ZNF575: variants seen among roughly 807,000 people sequenced by gnomAD.
ZNF575 encodes zinc finger protein 575.
A neutral mutation model predicts 17.5 loss-of-function variants in ZNF575; 17 were observed. The ratio of observed to expected loss-of-function variants is 0.97; its 90% CI spans 0.66 to 1.45. The LOEUF (loss-of-function observed/expected upper bound fraction) is 1.45. Among genes scored for constraint, ZNF575 ranks in the 40% most tolerant of loss-of-function variants. The pLI is 0.00. For missense variants in ZNF575, 352 were observed against 359.2 expected, an observed-to-expected ratio of 0.98 and a Z score of 0.16; for synonymous variants, 146 against 158.3, an observed-to-expected ratio of 0.92 and a Z score of 0.58.
upstream of ZNF575, chr19:43,531,842 G>GT (rs111807736): frequency 1.2e-5 from 8 of 668,042 alleles, no homozygotes; most frequent in African/African-American, 7.2e-5. Flanking sequence ...CTGGAATGCA[G>GT]TAACACAATC....
At chr19:43,531,939 AGACT>A, upstream of ZNF575, 2 of 224,722 alleles carry the variant, frequency 8.9e-6, no homozygotes, top group Admixed American at 6.7e-5. Context: ...CCATTAAGCC[AGACT>A]TTTTTTTTTT....
rs1234999100 is a variant in ZNF575 at position 43,535,441 on chromosome 19, C to G, written c.492C>G (p.Ala164=). ...TCTGCTACCCTTCCAAGCTGGCGGC[C>G]CACCGCCACACGCACCACGCCACCG... The part of the protein sequence containing the change: ...KSFCYPSKLA[A]HRHTHHATDA... The change falls in exon 4 of 4, where the codon GCC becomes GCG. Residue 164 remains alanine, a synonymous_variant. Transcript: ENST00000314228. 2.5e-6 allele frequency: 4 copies of G among 1,612,210 alleles called. No homozygotes were observed. In the South Asian group the frequency reaches 4.4e-5, roughly 18 times the overall value.
At chr19:43,534,908 A>G in intron 3 of ZNF575, 121 bp from the exon 4 acceptor site, 1 of 973,134 alleles carries the variant, frequency 1.0e-6, no homozygotes, top group Admixed American at 4.1e-5. Context: ...TCTCAATGTG[A>G]TGCTTGAGGT....
Position 43,535,242 on chromosome 19 carries a change from A to AGCT in ZNF575, c.294_295insCTG (p.Lys98_Ala99insLeu). The AGCT allele has an allele frequency of 6.2e-7, 1 of 1,611,998 alleles. No homozygotes were observed. The highest frequency in any genetic ancestry group is 8.5e-7 in the Non-Finnish European group (1 of 1,179,248). ...CCCCACCCATGCCCAGACTGCCCCA[A>AGCT]GGCCTTCTCCTACCCCTCCAAGCTG... is the stretch of plus-strand genomic sequence containing the variant. On this transcript the variant is annotated inframe_insertion, in exon 4 of 4. Coordinates refer to ENST00000314228, the MANE Select transcript of ZNF575 (RefSeq NM_174945.3).
chr19:43,532,336 A>G (rs1362768087), upstream of ZNF575, among the ~76,000 whole-genome samples: 2 of 151,822 alleles, frequency 1.3e-5, no homozygotes, highest in East Asian at 3.9e-4. Context: ...GCCCCCGTCT[A>G]GTTTGGAAAT....
Position 43,534,045 on chromosome 19 carries a change from C to T in ZNF575, c.-87+143C>T, listed in dbSNP as rs960272315. The T allele has an allele frequency of 2.2e-5, 6 of 272,752 alleles. No homozygotes were observed. The East Asian group carries it at 4.4e-4, about 20-fold the overall frequency. The allele number at this position is 272,752 out of a possible 1,614,324, so 16.9% of individuals were successfully genotyped here. On this transcript the variant is annotated intron_variant, in intron 2 of 3. Coordinates refer to ENST00000314228, the MANE Select transcript of ZNF575 (RefSeq NM_174945.3). ...TCAGAACAAGACTTTTTTTGTACAG[C>T]CCCGCCCATTCCAGGACTGCAGGGT...
chr19:43,534,274 C>T, intron 2 of ZNF575, 63 bp from the exon 3 acceptor site: 3 of 723,848 alleles, frequency 4.1e-6, no homozygotes, highest in Admixed American at 2.8e-5. Context: ...GCTAAGCCTG[C>T]CCCCGCCTTA....
At chr19:43,531,785 T>A (rs749119397), upstream of ZNF575, 7 of 670,948 alleles carry the variant, frequency 1.0e-5, no homozygotes, top group South Asian at 1.1e-4. Flanking sequence ...ATAATTATTT[T>A]AAAAACTTTT....
chr19:43,535,150 C>G lies in ZNF575; in HGVS notation c.201C>G (p.Asp67Glu). 6.3e-7 allele frequency: 1 copy of G among 1,592,894 alleles called. No homozygotes were observed. The highest frequency in any genetic ancestry group is 8.5e-7 in the Non-Finnish European group (1 of 1,171,478). Residue 67 changes from aspartate to glutamate, a missense_variant, in exon 4 of 4, where the codon GAC becomes GAG. Asp to Glu is a conservative substitution (Grantham distance 45, BLOSUM62 2). Transcript: ENST00000314228. ...PPPQRPHRCP[D>E]CDKAFSYPSK... Reference sequence around the variant, plus strand: ...CCCAGCGCCCGCACCGCTGCCCCGACTGTGACAAGGCCTTCTCGTACCCGT... The same window carrying G: ...CCCAGCGCCCGCACCGCTGCCCCGAGTGTGACAAGGCCTTCTCGTACCCGT...
upstream of ZNF575, chr19:43,531,942 CTTTTTTTTTTTTTTTTT>C (rs869122064): frequency 3.8e-5 from 4 of 106,434 alleles, 1 homozygote; most frequent in Non-Finnish European, 5.1e-5. Flanking sequence ...TTAAGCCAGA[CTTTTTTTTTTTTTTTTT>C]TTTTTTTTTT....
At chr19:43,531,419 T>A (rs1972341831), upstream of ZNF575, among the ~76,000 whole-genome samples, 1 of 151,926 alleles carries the variant, frequency 6.6e-6, no homozygotes, top group South Asian at 2.1e-4. Context: ...CTGTCTCTAC[T>A]AAAAATACAA....
upstream of ZNF575, among the ~76,000 whole-genome samples, chr19:43,531,217 G>A (rs780197064): frequency 2.0e-5 from 3 of 152,078 alleles, no homozygotes; most frequent in Non-Finnish European, 4.4e-5. Flanking sequence ...CTTGAACCTG[G>A]GAGGTGGAGG....
upstream of ZNF575, among the ~76,000 whole-genome samples, chr19:43,532,325 A>G (rs1194650507): frequency 6.6e-6 from 1 of 151,830 alleles, no homozygotes; most frequent in Non-Finnish European, 1.5e-5. Context: ...CACCGTGCCT[A>G]GCCCCCGTCT....
chr19:43,534,896 A>G, intron 3 of ZNF575, 133 bp from the exon 4 acceptor site: 1 of 816,614 alleles, frequency 1.2e-6, no homozygotes. Flanking sequence ...CAATTTGGGG[A>G]GTCTCAATGT....
At position 43,536,047 on chromosome 19, in the gene ZNF575, C is replaced by T. The variant is rs1600033280; in HGVS notation, c.*360C>T. The T allele has an allele frequency of 7.7e-6, 2 of 258,844 alleles. No individual in the cohort carries two copies. Among genetic ancestry groups the T allele is most frequent in the Non-Finnish European group, 1.5e-5 (2 of 134,522 alleles). 16.0% of individuals were successfully genotyped at this position (258,844 alleles called of 1,614,324 possible). On this transcript the variant is annotated 3_prime_UTR_variant, in exon 4 of 4. Transcript: ENST00000314228. ...TGGTGTCTCCACTTTGGCCATATGACGGTATCTAAGAAATTGAAAATACAT... is the reference window on the plus strand; with the variant it reads ...TGGTGTCTCCACTTTGGCCATATGATGGTATCTAAGAAATTGAAAATACAT...
upstream of ZNF575, chr19:43,531,941 A>AATTT: frequency 8.7e-5 from 15 of 172,978 alleles, no homozygotes; most frequent in Non-Finnish European, 1.3e-4. Flanking sequence ...ATTAAGCCAG[A>AATTT]CTTTTTTTTT....
In ZNF575 at chr19:43,535,256, C is replaced by T. The variant is rs1248763221; in HGVS notation, c.307C>T (p.Pro103Ser). ...CPDCPKAFSY[P>S]SKLAAHRLTH... ...AGACTGCCCCAAGGCCTTCTCCTAC[C>T]CCTCCAAGCTGGCAGCCCACCGCCT... The change falls in exon 4 of 4, where the codon CCC becomes TCC. Residue 103 changes from proline (P) to serine (S), a missense_variant. By Grantham distance (74) the Pro-to-Ser change is moderately conservative (BLOSUM62 -1). Transcript: ENST00000314228. 4.3e-6 allele frequency: 7 copies of T among 1,612,326 alleles called. No individual in the cohort carries two copies. Among genetic ancestry groups the T allele is most frequent in the South Asian group, 1.1e-5 (1 of 90,984 alleles).
intron 3 of ZNF575, among the ~76,000 whole-genome samples, 165 bp from the exon 4 acceptor site, chr19:43,534,864 G>A (rs886526234): frequency 6.6e-6 from 1 of 152,126 alleles, no homozygotes; most frequent in Non-Finnish European, 1.5e-5. Flanking sequence ...GACGCCTGGG[G>A]GGAGGGGGGA....
Position 43,535,548 on chromosome 19 carries a change from A to T in ZNF575, c.599A>T (p.Asp200Val). The change falls in exon 4 of 4, where the codon GAC becomes GTC. Residue 200 changes from aspartate (D) to valine (V), a missense_variant. Asp to Val is a radical substitution (Grantham distance 152). Coordinates refer to ENST00000314228, the MANE Select transcript of ZNF575 (RefSeq NM_174945.3). ...CTGGCCGCCCATCGCCTATGTCACGACCCCCCAACCGCGCCCGGCAGCCAG... is the reference window on the plus strand; with the variant it reads ...CTGGCCGCCCATCGCCTATGTCACGTCCCCCCAACCGCGCCCGGCAGCCAG... Reference protein sequence around the residue: ...SKLAAHRLCHDPPTAPGSQAT... With the variant: ...SKLAAHRLCHVPPTAPGSQAT... The T allele has an allele frequency of 1.2e-6, 2 of 1,612,836 alleles. No individual in the cohort carries two copies. The highest frequency in any genetic ancestry group is 1.7e-6 in the Non-Finnish European group (2 of 1,179,692).
Sources: allele counts gnomAD v4.1 joint callset (sites outside exome capture counted in the v4.1 genomes callset), GRCh38; gene constraint gnomAD v4.1.1; transcripts MANE v1.5; gene names NCBI Gene and HGNC (gene_info 2026-07-23, HGNC 2026-07-21).